PCDHGA1: variants seen among roughly 807,000 people sequenced by gnomAD.
PCDHGA1 encodes protocadherin gamma subfamily A, 1.
Under a neutral mutation model 58.0 loss-of-function variants are expected in PCDHGA1, and 32 were observed. The ratio of observed to expected loss-of-function variants is 0.55; its 90% CI spans 0.42 to 0.74. PCDHGA1 has a LOEUF of 0.74. PCDHGA1 is among the 30% of genes least tolerant of loss of function. PCDHGA1 has a pLI of 0.00. For missense variants in PCDHGA1, 1,205 were observed against 1,182.3 expected (o/e 1.02, Z -0.28); for synonymous variants, 498 against 501.1 (o/e 0.99, Z 0.08).
intron 1 of PCDHGA1, chr5:141,392,848 A>C (rs374832992): frequency 1.2e-6 from 2 of 1,610,796 alleles, no homozygotes; most frequent in Non-Finnish European, 1.7e-6. Flanking sequence ...AGACGCGGCG[A>C]GCTGATCCTG....
chr5:141,468,433 A>G (rs2099167290), intron 1 of PCDHGA1: 1 of 152,202 alleles, frequency 6.6e-6, no homozygotes, highest in Non-Finnish European at 1.5e-5. Context: ...GGTAATAGCA[A>G]AATGTGGGTG....
intron 1 of PCDHGA1, chr5:141,372,783 C>G (rs1324941616): frequency 1.9e-6 from 3 of 1,606,014 alleles, no homozygotes; most frequent in South Asian, 2.2e-5. Context: ...TCCAGAAATG[C>G]CTTCTAATTC....
rs779287151 is a variant in PCDHGA1, at chr5:141,384,468, G to A, written c.2421+51363G>A. 8.7e-6 allele frequency: 14 copies of A among 1,613,988 alleles called. No homozygotes were observed. The Admixed American group carries it at 2.0e-4, about 23-fold the overall frequency. On this transcript the variant is annotated intron_variant, in intron 1 of 3. Coordinates refer to ENST00000517417, the MANE Select transcript of PCDHGA1 (RefSeq NM_018912.3). ...ACGCGCTGCAATCCTTTGATTATGA[G>A]CAGTTGAGAGAACTACAACTAAGAG...
chr5:141,373,575 A>C (rs1769694796), intron 1 of PCDHGA1, among the ~76,000 whole-genome samples: 1 of 152,236 alleles, frequency 6.6e-6, no homozygotes, highest in African/African-American at 2.4e-5. Flanking sequence ...GACTAGCATA[A>C]ATGGTGGTGA....
At chr5:141,437,032 C>T (rs2097859215) in intron 1 of PCDHGA1, among the ~76,000 whole-genome samples, 1 of 152,182 alleles carries the variant, frequency 6.6e-6, no homozygotes, top group Admixed American at 6.5e-5. Context: ...GAAAATGGAT[C>T]ACCGAAACCA....
At chr5:141,368,160 C>T (rs1017595982) in intron 1 of PCDHGA1, among the ~76,000 whole-genome samples, 1 of 152,084 alleles carries the variant, frequency 6.6e-6, no homozygotes, top group Non-Finnish European at 1.5e-5. Context: ...AAACCTTGAG[C>T]ATCAGCTTCA....
Position 141,375,135 on chromosome 5 carries a change from C to T in PCDHGA1, c.2421+42030C>T, listed in dbSNP as rs757101411. The T allele has an allele frequency of 3.7e-6, 6 of 1,613,924 alleles. No homozygotes were observed. In the East Asian group the frequency reaches 1.3e-4, roughly 36 times the overall value. ...AATGTACCAGAAGTGGTTGTTACATCTGGAAGCAGAACAATTGCTGAAAGT... is the reference window on the plus strand; with the variant it reads ...AATGTACCAGAAGTGGTTGTTACATTTGGAAGCAGAACAATTGCTGAAAGT... On this transcript the variant is annotated intron_variant, in intron 1 of 3. Coordinates refer to ENST00000517417, the MANE Select transcript of PCDHGA1 (RefSeq NM_018912.3).
Position 141,423,157 on chromosome 5 carries a change from G to C in PCDHGA1, c.2422-71650G>C, listed in dbSNP as rs527921011. The C allele has an allele frequency of 7.4e-6, 12 of 1,610,820 alleles. No homozygotes were observed. The South Asian group carries it at 1.2e-4, about 16-fold the overall frequency. ...CAGAGACGCGCTCAAGCAGAGCCTC[G>C]TGGTGGCCGTCCAGGACCACGGCCA... On this transcript the variant is annotated intron_variant, in intron 1 of 3. Coordinates refer to ENST00000517417, the MANE Select transcript of PCDHGA1 (RefSeq NM_018912.3).
chr5:141,505,494 A>G lies in PCDHGA1; in HGVS notation c.2569+13A>G. ...GCGTCCGCCAGTGGTAAGTGGTGTC[A>G]GTGTGTGTATGGAAGAGTGGGAGAC... is the stretch of plus-strand genomic sequence containing the variant. On this transcript the variant is annotated intron_variant, in intron 3 of 3. Transcript: ENST00000517417. The G allele has an allele frequency of 6.8e-6, 11 of 1,614,198 alleles. No homozygotes were observed. Among genetic ancestry groups the G allele is most frequent in the Non-Finnish European group, 9.3e-6 (11 of 1,180,006 alleles).
intron 1 of PCDHGA1, chr5:141,420,411 T>C: frequency 8.1e-7 from 1 of 1,229,398 alleles, no homozygotes; most frequent in Non-Finnish European, 1.1e-6. Context: ...ATGGTTATCA[T>C]TATTAAAACA....
chr5:141,428,495 T>C (rs1023405537), intron 1 of PCDHGA1: 3 of 295,346 alleles, frequency 1.0e-5, no homozygotes, highest in African/African-American at 6.5e-5. Flanking sequence ...AATCTGTATG[T>C]TCCCTCGGAT....
chr5:141,432,335 C>T lies in PCDHGA1; in HGVS notation c.2422-62472C>T, dbSNP rs146691720. On this transcript the variant is annotated intron_variant, in intron 1 of 3. Coordinates refer to ENST00000517417, the MANE Select transcript of PCDHGA1 (RefSeq NM_018912.3). This position sits in a 1 kb window ranked among gnomAD's most constrained non-coding sequence, Gnocchi z 6.0. ...GAGCTCCTTCGACTACGAGCAGTTC[C>T]GAGACTTGCAAGTGAAAGTGATGGC... 2.6e-5 allele frequency: 42 copies of T among 1,614,126 alleles called. No individual in the cohort carries two copies. Among genetic ancestry groups the T allele is most frequent in the African/African-American group, 1.2e-4 (9 of 74,940 alleles).
chr5:141,498,880 C>G (rs1334510457), intron 2 of PCDHGA1, among the ~76,000 whole-genome samples: 1 of 150,028 alleles, frequency 6.7e-6, no homozygotes, highest in African/African-American at 2.4e-5. Flanking sequence ...TTGCAGTGAG[C>G]TGAGATCACA....
rs1412446548 is a variant in PCDHGA1 at position 141,330,947 on chromosome 5, G to T, written c.263G>T (p.Arg88Leu). The change falls in exon 1 of 4, where the codon CGC becomes CTC. Residue 88 changes from arginine (R) to leucine (L), a missense_variant. Transcript: ENST00000517417. ...NPRSGSLITARRIDREELCAQ... is the reference protein window; with the variant it reads ...NPRSGSLITALRIDREELCAQ... ...AGAAGTGGCAGCTTGATCACCGCGC[G>T]CAGGATAGACCGGGAGGAGCTCTGC... 3.1e-6 allele frequency: 5 copies of T among 1,614,100 alleles called. 1 individual carries two copies. The South Asian group carries it at 3.3e-5, about 11-fold the overall frequency.
chr5:141,512,395 C>T lies in PCDHGA1; in HGVS notation c.*1222C>T, dbSNP rs1229077213. ...ACCAAATGAACAGAAAGTCTCAGCCCAGGATGGGGCTTCTTCAACAGGGCC... is the reference window on the plus strand; with the variant it reads ...ACCAAATGAACAGAAAGTCTCAGCCTAGGATGGGGCTTCTTCAACAGGGCC... On this transcript the variant is annotated 3_prime_UTR_variant, in exon 4 of 4. Coordinates refer to ENST00000517417, the MANE Select transcript of PCDHGA1 (RefSeq NM_018912.3). 1 of 152,690 alleles carries T rather than the reference C, an allele frequency of 6.5e-6. No individual in the cohort carries two copies. Among genetic ancestry groups the T allele is most frequent in the Non-Finnish European group, 1.5e-5 (1 of 68,072 alleles). The allele number at this position is 152,690 out of a possible 1,614,324, so 9.5% of individuals were successfully genotyped here.
In PCDHGA1 at chr5:141,432,776, G is replaced by C. The variant is rs975435403; in HGVS notation, c.2422-62031G>C. 1.9e-6 allele frequency: 3 copies of C among 1,614,172 alleles called. No homozygotes were observed. In the African/African-American group the frequency reaches 4.0e-5, roughly 22 times the overall value. ...GGCCGACAGCATCCCCCAAGTCCTG[G>C]CGGACCTCGGCAGCCTCGAGTCTCC... On this transcript the variant is annotated intron_variant, in intron 1 of 3. Transcript: ENST00000517417. This position sits in a 1 kb window ranked among gnomAD's most constrained non-coding sequence, Gnocchi z 6.0.
At position 141,385,367 on chromosome 5, in the gene PCDHGA1, A is replaced by G. The variant is rs764038151; in HGVS notation, c.2421+52262A>G. 2.0e-5 allele frequency: 31 copies of G among 1,536,828 alleles called. 1 individual carries two copies. In the South Asian group the frequency reaches 3.9e-4, roughly 19 times the overall value. On this transcript the variant is annotated intron_variant, in intron 1 of 3. Coordinates refer to ENST00000517417, the MANE Select transcript of PCDHGA1 (RefSeq NM_018912.3). ...TTATTTCCATGAGGAATTTATTTGCATGATATTTCTCTATTATTTTGCAAA... is the reference window on the plus strand; with the variant it reads ...TTATTTCCATGAGGAATTTATTTGCGTGATATTTCTCTATTATTTTGCAAA...
rs200016406 is a variant in PCDHGA1 at position 141,383,092 on chromosome 5, C to T, written c.2421+49987C>T. The T allele has an allele frequency of 3.1e-4, 507 of 1,613,932 alleles. 2 individuals are homozygous for T. Among genetic ancestry groups the T allele is most frequent in the Middle Eastern group, 1.7e-3 (10 of 6,060 alleles). The stretch of plus-strand genomic sequence containing the variant: ...CCGGGAGCTGGCGGAGCGCGGAGTC[C>T]GCATCATCTCCAGAGGTAGGACGCA... On this transcript the variant is annotated intron_variant, in intron 1 of 3. Coordinates refer to ENST00000517417, the MANE Select transcript of PCDHGA1 (RefSeq NM_018912.3).
chr5:141,372,171 G>T, intron 1 of PCDHGA1: 1 of 1,613,744 alleles, frequency 6.2e-7, no homozygotes, highest in Non-Finnish European at 8.5e-7. Flanking sequence ...CAAGGTGGTG[G>T]CGGTGGACGC....
Sources: gnomAD v4.1 joint callset for allele counts (sites outside exome capture counted in the v4.1 genomes callset) on GRCh38, gnomAD v4.1.1 for gene constraint, Gnocchi (gnomAD v3.1) non-coding constraint, MANE v1.5 for transcripts, NCBI Gene and HGNC (gene_info 2026-07-23, HGNC 2026-07-21) for gene names.